The following CCDC60 variants were observed in gnomAD, a reference collection of about 807,000 sequenced individuals.
CCDC60 encodes the protein coiled-coil domain-containing protein 60.
CCDC60 carries 54 observed loss-of-function variants against 63.5 expected under a neutral mutation model. That is an observed-to-expected ratio of 0.85 (90% CI 0.68 to 1.07). The LOEUF (loss-of-function observed/expected upper bound fraction) is 1.07, where lower values mean the gene tolerates loss of function less well. Ranked by LOEUF, CCDC60 falls within the 50% of genes least tolerant of loss-of-function variation. The pLI, the probability that CCDC60 is intolerant of heterozygous loss-of-function variation, is 0.00. For missense variants in CCDC60, 651 were observed against 684.3 expected, an observed-to-expected ratio of 0.95 and a Z score of 0.54; for synonymous variants, 206 against 238.8, an observed-to-expected ratio of 0.86 and a Z score of 1.27.
At chr12:119,363,268 C>T (rs1379873062) in intron 1 of CCDC60, among the ~76,000 whole-genome samples, 1 of 152,126 alleles carries the variant, frequency 6.6e-6, no homozygotes, top group East Asian at 1.9e-4. Flanking sequence ...CCTGAATTTT[C>T]CTGATGAGTA....
chr12:119,413,937 C>T (rs1184926669), intron 1 of CCDC60, among the ~76,000 whole-genome samples: 1 of 152,156 alleles, frequency 6.6e-6, no homozygotes, highest in African/African-American at 2.4e-5. Flanking sequence ...CCTTTAGCTG[C>T]TTGTGGGTTC....
At chr12:119,415,642 G>A (rs1786755583) in intron 1 of CCDC60, among the ~76,000 whole-genome samples, 3 of 152,190 alleles carry the variant, frequency 2.0e-5, no homozygotes, top group Non-Finnish European at 2.9e-5. Flanking sequence ...TTGCAGCAGC[G>A]TGGGAATGAC....
At chr12:119,426,734 A>G (rs1956908949) in intron 1 of CCDC60, among the ~76,000 whole-genome samples, 1 of 152,130 alleles carries the variant, frequency 6.6e-6, no homozygotes, top group East Asian at 1.9e-4. Flanking sequence ...TTCACCCTTC[A>G]TCTGTGCTGC....
chr12:119,503,253 T>A (rs1308964764), intron 6 of CCDC60, among the ~76,000 whole-genome samples: 1 of 152,220 alleles, frequency 6.6e-6, no homozygotes, highest in Admixed American at 6.5e-5. Context: ...TTGTTCTAGA[T>A]AAAATGGAAA....
At chr12:119,522,413 C>A (rs905466310) in intron 9 of CCDC60, among the ~76,000 whole-genome samples, 4 of 152,192 alleles carry the variant, frequency 2.6e-5, no homozygotes, top group African/African-American at 4.8e-5. Flanking sequence ...TGATGGGTCA[C>A]AGATGAGGAA....
intron 2 of CCDC60, among the ~76,000 whole-genome samples, chr12:119,431,874 T>C (rs1950235681): frequency 6.6e-6 from 1 of 152,076 alleles, no homozygotes; most frequent in Non-Finnish European, 1.5e-5. Context: ...AGAGACGGAG[T>C]TTCACCACGT....
chr12:119,498,191 A>T (rs1951757279), intron 5 of CCDC60, among the ~76,000 whole-genome samples: 1 of 152,176 alleles, frequency 6.6e-6, no homozygotes, highest in African/African-American at 2.4e-5. Flanking sequence ...GTCAGCCTTA[A>T]GTTAGGTTTA....
intron 2 of CCDC60, among the ~76,000 whole-genome samples, chr12:119,446,057 C>G (rs1593099545): frequency 1.3e-5 from 2 of 152,110 alleles, no homozygotes; most frequent in Middle Eastern, 6.8e-3. Context: ...GACCTGTACC[C>G]TAATAACTTA....
At chr12:119,473,686 A>G (rs1038053273) in intron 3 of CCDC60, among the ~76,000 whole-genome samples, 3 of 152,112 alleles carry the variant, frequency 2.0e-5, no homozygotes, top group Admixed American at 1.3e-4. Context: ...GCTCCCACTT[A>G]TGAATGAGAA....
At chr12:119,362,554 AT>A (rs1349765800) in intron 1 of CCDC60, among the ~76,000 whole-genome samples, 1 of 152,118 alleles carries the variant, frequency 6.6e-6, no homozygotes, top group Non-Finnish European at 1.5e-5. Context: ...TTTGCTCACC[AT>A]TATATCTGGG....
rs1276344278 is a variant in CCDC60, at chr12:119,420,053, T to G, written c.91-8630T>G. On this transcript the variant is annotated intron_variant, in intron 1 of 13. Transcript: ENST00000327554. This position sits in a 1 kb window ranked among gnomAD's most constrained non-coding sequence, Gnocchi z 4.1. ...CACCACACCTGGGTAATTTTTTGTA[T>G]TTTTAGTAGAGATAGGGTTTCACCG... Among the ~76,000 whole-genome samples, 1 of 151,926 alleles carries G rather than the reference T, an allele frequency of 6.6e-6. No homozygotes were observed. Among genetic ancestry groups the G allele is most frequent in the African/African-American group, 2.4e-5 (1 of 41,358 alleles).
intron 2 of CCDC60, among the ~76,000 whole-genome samples, chr12:119,469,507 G>A (rs534256660): frequency 3.3e-5 from 5 of 152,102 alleles, no homozygotes; most frequent in East Asian, 1.9e-4. Flanking sequence ...TGATCCACCC[G>A]CCCCGGCCTC....
At chr12:119,350,364 AT>A (rs1338818574) in intron 1 of CCDC60, among the ~76,000 whole-genome samples, 5 of 151,654 alleles carry the variant, frequency 3.3e-5, no homozygotes, top group Admixed American at 2.6e-4. Flanking sequence ...CACCCAGCTA[AT>A]TTTTTTGTAT....
chr12:119,454,621 T>G (rs1355935480), intron 2 of CCDC60, among the ~76,000 whole-genome samples: 2 of 152,194 alleles, frequency 1.3e-5, no homozygotes, highest in African/African-American at 4.8e-5. Flanking sequence ...GGCCATTGAT[T>G]TAGCCAAGGA....
intron 1 of CCDC60, among the ~76,000 whole-genome samples, chr12:119,351,168 A>G (rs1286303756): frequency 1.3e-5 from 2 of 152,234 alleles, no homozygotes; most frequent in Non-Finnish European, 2.9e-5. Flanking sequence ...GATTCAAAGC[A>G]TCACAGAAGC....
At chr12:119,513,193 A>G (rs776379325) in intron 7 of CCDC60, among the ~76,000 whole-genome samples, 66 of 152,322 alleles carry the variant, frequency 4.3e-4, no homozygotes, top group Middle Eastern at 3.4e-3. Flanking sequence ...GCAAATATAT[A>G]TCCACATAAG....
intron 2 of CCDC60, among the ~76,000 whole-genome samples, chr12:119,432,361 A>C (rs1950244189): frequency 6.6e-6 from 1 of 152,198 alleles, no homozygotes; most frequent in Non-Finnish European, 1.5e-5. Flanking sequence ...CAGGCTTCAC[A>C]AGGAATGGTG....
intron 1 of CCDC60, among the ~76,000 whole-genome samples, chr12:119,360,266 G>A (rs1446212316): frequency 6.7e-6 from 1 of 149,188 alleles, no homozygotes; most frequent in Non-Finnish European, 1.5e-5. Flanking sequence ...TCACCTCCCG[G>A]ACGGGGCGGC....
At chr12:119,505,978 G>A (rs1018730435) in intron 7 of CCDC60, among the ~76,000 whole-genome samples, 1 of 149,184 alleles carries the variant, frequency 6.7e-6, no homozygotes, top group Admixed American at 6.6e-5. Flanking sequence ...TTTGAAATTC[G>A]GTGTCTACTT....
Sources: gnomAD v4.1 joint callset for allele counts (sites outside exome capture counted in the v4.1 genomes callset) on GRCh38, gnomAD v4.1.1 for gene constraint, Gnocchi (gnomAD v3.1) non-coding constraint, MANE v1.5 for transcripts, NCBI Gene and HGNC (gene_info 2026-07-23, HGNC 2026-07-21) for gene names.